Variants in TEX14 observed in about 807,000 individuals in gnomAD.
TEX14 encodes testis expressed 14, intercellular bridge forming factor, also known as inactive serine/threonine-protein kinase TEX14.
In TEX14, 168 loss-of-function variants were observed where a neutral mutation model predicts 178.6. That is an observed-to-expected ratio of 0.94 (90% CI 0.83 to 1.07). The LOEUF (loss-of-function observed/expected upper bound fraction) is 1.07, where lower values mean the gene tolerates loss of function less well. Among genes scored for constraint, TEX14 ranks in the 50% least tolerant of loss-of-function variants. The probability of loss-of-function intolerance (pLI) is 0.00; values close to 1 mark genes in which losing one functional copy is unlikely to be tolerated. For synonymous variants in TEX14, 626 were observed against 634.1 expected (o/e 0.99, Z 0.19); for missense variants, 1,730 against 1,753.6 (o/e 0.99, Z 0.24).
At chr17:58,678,847 T>TAATAATAATA (rs1407732262) in intron 1 of TEX14, among the ~76,000 whole-genome samples, 1 of 147,638 alleles carries the variant, frequency 6.8e-6, no homozygotes, top group African/African-American at 2.5e-5. Flanking sequence ...ATAATAATAA[T>TAATAATAATA]AATAATAAAA....
chr17:58,579,547 A>G, intron 20 of TEX14, 118 bp downstream of exon 20: 1 of 817,870 alleles, frequency 1.2e-6, no homozygotes, highest in Non-Finnish European at 2.0e-6. Context: ...TCAACCATAT[A>G]ATGAAAGGTT....
Position 58,621,523 on chromosome 17 carries a change from C to G in TEX14, c.554+127G>C, listed in dbSNP as rs2045996212. Reference sequence around the variant, plus strand: ...GCCAAGCCTTTTCTTTCCAAGCACACCCCTTTGGATGGGCCAGATGCCAGA... The same window carrying G: ...GCCAAGCCTTTTCTTTCCAAGCACAGCCCTTTGGATGGGCCAGATGCCAGA... On this transcript the variant is annotated intron_variant, in intron 5 of 31. Transcript: ENST00000349033. 1.1e-5 allele frequency: 10 copies of G among 934,682 alleles called. No individual in the cohort carries two copies. The Admixed American group carries it at 1.8e-4, about 16-fold the overall frequency. The allele number at this position is 934,682 out of a possible 1,614,324, so 57.9% of individuals were successfully genotyped here.
chr17:58,607,785 T>C (rs1187696537), intron 10 of TEX14, among the ~76,000 whole-genome samples: 1 of 152,238 alleles, frequency 6.6e-6, no homozygotes, highest in East Asian at 1.9e-4. Flanking sequence ...TCAACCCTGC[T>C]CTGAACCATT....
At chr17:58,606,910 G>C (rs302853) in intron 10 of TEX14, among the ~76,000 whole-genome samples, 96,089 of 150,614 alleles carry the variant, frequency 0.64, 30,957 homozygotes, top group African/African-American at 0.71. Context: ...TGCCTGTAAT[G>C]CCAGCTACTC....
At chr17:58,591,358 A>G (rs2045136145) in intron 15 of TEX14, among the ~76,000 whole-genome samples, 1 of 152,048 alleles carries the variant, frequency 6.6e-6, no homozygotes, top group Non-Finnish European at 1.5e-5. Flanking sequence ...TCTCTACTAA[A>G]AAATACAAAA....
At chr17:58,582,877 C>A (rs2044857029) in intron 19 of TEX14, among the ~76,000 whole-genome samples, 1 of 151,294 alleles carries the variant, frequency 6.6e-6, no homozygotes, top group South Asian at 2.1e-4. Flanking sequence ...AAATTTATTT[C>A]TTTAGCATCT....
At position 58,613,552 on chromosome 17, in the gene TEX14, A is replaced by G. The variant is rs752091585; in HGVS notation, c.882-8T>C. On this transcript the variant is annotated splice_region_variant and splice_polypyrimidine_tract_variant and intron_variant, in intron 8 of 31. Transcript: ENST00000349033. ...TAGGGGTGCCGCAGCTTGCTGCAAA[A>G]GAAAAGAAGCTTCAGATAAGGCAGG... is the stretch of plus-strand genomic sequence containing the variant. The G allele has an allele frequency of 6.2e-7, 1 of 1,613,616 alleles. No individual in the cohort carries two copies. Among genetic ancestry groups the G allele is most frequent in the Non-Finnish European group, 8.5e-7 (1 of 1,179,852 alleles).
chr17:58,626,769 G>C (rs1014911686), intron 3 of TEX14, among the ~76,000 whole-genome samples: 1 of 151,928 alleles, frequency 6.6e-6, no homozygotes, highest in African/African-American at 2.4e-5. Flanking sequence ...TACTCGGGAG[G>C]GTGAGGCAGG....
chr17:58,659,176 A>G (rs955542553), intron 1 of TEX14, among the ~76,000 whole-genome samples: 1 of 152,112 alleles, frequency 6.6e-6, no homozygotes, highest in Non-Finnish European at 1.5e-5. Flanking sequence ...GCAGTCCCCC[A>G]CTACCACAAG....
chr17:58,617,726 GCTAGACTT>G (rs1411148388), intron 5 of TEX14, 107 bp from the exon 6 acceptor site: 4 of 713,284 alleles, frequency 5.6e-6, no homozygotes, highest in Non-Finnish European at 9.2e-6. Context: ...TGTCTTTACT[GCTAGACTT>G]TCTGTTACAA....
chr17:58,564,655 A>C (rs943789343), intron 28 of TEX14, among the ~76,000 whole-genome samples: 7 of 152,166 alleles, frequency 4.6e-5, no homozygotes, highest in Non-Finnish European at 1.0e-4. Flanking sequence ...TAAGATGGTA[A>C]ATTTTGTTAT....
intron 1 of TEX14, among the ~76,000 whole-genome samples, chr17:58,662,762 C>G (rs1442933319): frequency 6.6e-6 from 1 of 152,128 alleles, no homozygotes; most frequent in Non-Finnish European, 1.5e-5. Context: ...GACATATATA[C>G]TCAATAATTT....
At chr17:58,564,001 AG>A (rs1053505631) in intron 28 of TEX14, among the ~76,000 whole-genome samples, 1 of 151,900 alleles carries the variant, frequency 6.6e-6, no homozygotes, top group Non-Finnish European at 1.5e-5. Flanking sequence ...AGAAAAAAAA[AG>A]CCTCCACCCC....
At chr17:58,598,593 C>T (rs1011012870) in intron 14 of TEX14, among the ~76,000 whole-genome samples, 8 of 152,124 alleles carry the variant, frequency 5.3e-5, no homozygotes, top group Non-Finnish European at 7.4e-5. Context: ...AGAGTATCTA[C>T]GTTGGAATTC....
chr17:58,652,064 A>T, intron 1 of TEX14, 62 bp from the exon 2 acceptor site: 1 of 1,372,246 alleles, frequency 7.3e-7, no homozygotes, highest in Non-Finnish European at 9.7e-7. Context: ...GAAACAACTT[A>T]ATTCTTTTAC....
chr17:58,600,179 A>G (rs918060284), intron 13 of TEX14, among the ~76,000 whole-genome samples: 2 of 152,294 alleles, frequency 1.3e-5, no homozygotes, highest in Admixed American at 6.5e-5. Context: ...TTCACACAAA[A>G]GAGTTTGACT....
chr17:58,643,167 C>A (rs1211080301), intron 2 of TEX14, among the ~76,000 whole-genome samples: 1 of 152,190 alleles, frequency 6.6e-6, no homozygotes, highest in Non-Finnish European at 1.5e-5. Flanking sequence ...TGGGAACAAC[C>A]TGGTTTTCCC....
Position 58,613,361 on chromosome 17 carries a change from G to C in TEX14, c.1005+60C>G. 4 of 1,608,118 alleles carry C rather than the reference G, an allele frequency of 2.5e-6. No homozygotes were observed. In the South Asian group the frequency reaches 4.4e-5, roughly 18 times the overall value. The stretch of plus-strand genomic sequence containing the variant: ...GGGATCACCACAGCTGGGGCAAGAG[G>C]GTGAGGAGGGAAGAAACTGGGAGGT... On this transcript the variant is annotated intron_variant, in intron 9 of 31. Transcript: ENST00000349033.
chr17:58,602,622 T>C (rs1598376598), intron 11 of TEX14, 32 bp from the exon 12 acceptor site: 2 of 1,571,132 alleles, frequency 1.3e-6, no homozygotes, highest in East Asian at 4.5e-5. Flanking sequence ...AAAGAGTAAA[T>C]TAGGAAACCA....
Sources: allele counts gnomAD v4.1 joint callset (sites outside exome capture counted in the v4.1 genomes callset), GRCh38; gene constraint gnomAD v4.1.1; transcripts MANE v1.5; gene names NCBI Gene and HGNC (gene_info 2026-07-23, HGNC 2026-07-21).